Variants in PPIG observed in about 807,000 individuals in gnomAD.
PPIG encodes peptidyl-prolyl cis-trans isomerase G.
A neutral mutation model predicts 87.9 loss-of-function variants in PPIG; 26 were observed. The ratio of observed to expected loss-of-function variants is 0.30; its 90% CI spans 0.22 to 0.41. The LOEUF (loss-of-function observed/expected upper bound fraction) is 0.41, where lower values mean the gene tolerates loss of function less well. PPIG is among the 10% of genes least tolerant of loss of function. PPIG has a pLI of 1.00. For missense variants in PPIG, 722 were observed against 879.4 expected (o/e 0.82, Z 2.26); for synonymous variants, 308 against 276.5 (o/e 1.11, Z -1.13).
chr2:169,607,535 CTA>C (rs1685366486), intron 6 of PPIG, among the ~76,000 whole-genome samples: 2 of 152,214 alleles, frequency 1.3e-5, no homozygotes, highest in South Asian at 4.1e-4. Flanking sequence ...TAAAATTTGA[CTA>C]TAATATTTTC....
At chr2:169,593,650 C>CTTTTTTTTTTTTT (rs57902378) in intron 1 of PPIG, among the ~76,000 whole-genome samples, 1 of 106,204 alleles carries the variant, frequency 9.4e-6, no homozygotes, top group Admixed American at 1.2e-4. Flanking sequence ...TGCTTTATAT[C>CTTTTTTTTTTTTT]TTTTTTTTTT....
chr2:169,600,204 AGCTGGG>A (rs1685141332), intron 1 of PPIG, among the ~76,000 whole-genome samples: 1 of 151,718 alleles, frequency 6.6e-6, no homozygotes, highest in Non-Finnish European at 1.5e-5. Context: ...CGTCTCCAGT[AGCTGGG>A]GCTACAGGCA....
At chr2:169,635,177 G>T (rs1574466637) in intron 12 of PPIG, among the ~76,000 whole-genome samples, 1 of 151,878 alleles carries the variant, frequency 6.6e-6, no homozygotes, top group Non-Finnish European at 1.5e-5. Context: ...TTTTAAAATA[G>T]TAGCCAGAAT....
At chr2:169,629,620 A>G (rs1685984044) in intron 9 of PPIG, among the ~76,000 whole-genome samples, 1 of 152,278 alleles carries the variant, frequency 6.6e-6, no homozygotes, top group African/African-American at 2.4e-5. Context: ...TTGAGTCCTT[A>G]CTGTGTTATG....
intron 9 of PPIG, among the ~76,000 whole-genome samples, chr2:169,627,201 C>T (rs951613661): frequency 2.6e-5 from 4 of 151,994 alleles, no homozygotes; most frequent in African/African-American, 4.8e-5. Flanking sequence ...GGGGTTCAAG[C>T]GATTCTCGTA....
chr2:169,619,099 A>G (rs542452145), intron 9 of PPIG, among the ~76,000 whole-genome samples: 63 of 152,126 alleles, frequency 4.1e-4, no homozygotes, highest in Non-Finnish European at 3.4e-4. Context: ...CATTGGTTTC[A>G]AAGAACTTAA....
chr2:169,597,477 C>G (rs980505123), intron 1 of PPIG, among the ~76,000 whole-genome samples: 1 of 147,688 alleles, frequency 6.8e-6, no homozygotes. Context: ...GTTTTTCTCT[C>G]GTTTTTCTTT....
chr2:169,608,407 T>C (rs974439007), intron 6 of PPIG, among the ~76,000 whole-genome samples: 17 of 151,722 alleles, frequency 1.1e-4, no homozygotes, highest in South Asian at 8.3e-4. Context: ...GAGAATGGCG[T>C]GAACCCAGGA....
intron 12 of PPIG, chr2:169,633,595 T>C (rs1574465652): frequency 3.1e-6 from 1 of 320,516 alleles, no homozygotes; most frequent in Non-Finnish European, 5.5e-6. Context: ...TACTAGAGTG[T>C]CCTCATCAGA....
intron 11 of PPIG, 65 bp from the exon 12 acceptor site, chr2:169,633,095 G>A: frequency 8.1e-7 from 1 of 1,234,768 alleles, no homozygotes; most frequent in Non-Finnish European, 1.2e-6. Context: ...TTTTATTAAA[G>A]TAACATGTCT....
intron 9 of PPIG, among the ~76,000 whole-genome samples, chr2:169,623,953 T>G (rs1019253637): frequency 1.8e-4 from 27 of 152,266 alleles, no homozygotes; most frequent in African/African-American, 6.0e-4. Context: ...AAATAAAATA[T>G]TCTGGAGTTA....
At chr2:169,627,482 T>C (rs1425082136) in intron 9 of PPIG, among the ~76,000 whole-genome samples, 1 of 152,206 alleles carries the variant, frequency 6.6e-6, no homozygotes, top group Non-Finnish European at 1.5e-5. Flanking sequence ...ATGAAATGTA[T>C]TTAATACACT....
At chr2:169,632,034 C>T in intron 11 of PPIG, 101 bp downstream of exon 11, 3 of 1,289,970 alleles carry the variant, frequency 2.3e-6, no homozygotes, top group Non-Finnish European at 3.0e-6. Flanking sequence ...GACCTTGTCC[C>T]AAGATTGAAA....
chr2:169,626,081 T>C (rs10173599), intron 9 of PPIG, among the ~76,000 whole-genome samples: 90,700 of 152,076 alleles, frequency 0.6, 27,719 homozygotes, highest in African/African-American at 0.73. Flanking sequence ...TCTGACATTA[T>C]GTTGACTATG....
intron 10 of PPIG, 92 bp downstream of exon 10, chr2:169,631,079 A>G: frequency 8.6e-7 from 1 of 1,165,046 alleles, no homozygotes; most frequent in East Asian, 2.6e-5. Context: ...TGAAACTGTT[A>G]AAATAGTGAG....
chr2:169,616,356 T>A (rs748182351), intron 9 of PPIG, among the ~76,000 whole-genome samples: 3 of 152,226 alleles, frequency 2.0e-5, no homozygotes, highest in Non-Finnish European at 4.4e-5. Flanking sequence ...CTTTTGGGTA[T>A]ATACCTAGTA....
Position 169,611,897 on chromosome 2 carries a change from T to G in PPIG, c.378-2567T>G, listed in dbSNP as rs953735407. On this transcript the variant is annotated intron_variant, in intron 7 of 13. Transcript: ENST00000260970. ...TAGAGAGCTTCAGTCTTAAAAAAAA[T>G]TTTTTTGTACTATAACATATAGAAG... Among the ~76,000 whole-genome samples, 5 of 152,284 alleles carry G rather than the reference T, an allele frequency of 3.3e-5. No homozygotes were observed. In the South Asian group the frequency reaches 1.0e-3, roughly 32 times the overall value.
chr2:169,633,156 C>G lies in PPIG; in HGVS notation c.930-4C>G, dbSNP rs866326239. 9 of 1,591,796 alleles carry G rather than the reference C, an allele frequency of 5.7e-6. 1 individual carries two copies. The Middle Eastern group carries it at 1.0e-3, about 180-fold the overall frequency. Reference sequence around the variant, plus strand: ...GTGTTAACTTTCTGTTTGCTTCCTTCTAGTAATCCACCTAACTCCCAGCCT... The same window carrying G: ...GTGTTAACTTTCTGTTTGCTTCCTTGTAGTAATCCACCTAACTCCCAGCCT... On this transcript the variant is annotated splice_region_variant and splice_polypyrimidine_tract_variant and intron_variant, in intron 11 of 13. Transcript: ENST00000260970.
chr2:169,604,289 T>A, intron 4 of PPIG, 28 bp downstream of exon 4: 1 of 1,531,212 alleles, frequency 6.5e-7, no homozygotes, highest in Non-Finnish European at 9.0e-7. Flanking sequence ...ACTGCCCTAA[T>A]AGTAGTCTCA....
Sources: allele counts gnomAD v4.1 joint callset (sites outside exome capture counted in the v4.1 genomes callset), GRCh38; gene constraint gnomAD v4.1.1; transcripts MANE v1.5; gene names NCBI Gene and HGNC (gene_info 2026-07-23, HGNC 2026-07-21).